Variants in BTG4 observed in about 807,000 individuals in gnomAD.
BTG4 encodes BTG anti-proliferation factor 4.
A neutral mutation model predicts 19.3 loss-of-function variants in BTG4; 10 were observed. The observed-to-expected ratio is 0.52, with a 90% confidence interval of 0.32 to 0.88. The LOEUF (loss-of-function observed/expected upper bound fraction) is 0.88, where lower values mean the gene tolerates loss of function less well. Among genes scored for constraint, BTG4 ranks in the 40% least tolerant of loss-of-function variants. The pLI, the probability that BTG4 is intolerant of heterozygous loss-of-function variation, is 0.04. For missense variants in BTG4, 238 were observed against 281.9 expected (o/e 0.84, Z 1.11); for synonymous variants, 91 against 95.7 (o/e 0.95, Z 0.29).
chr11:111,398,723 C>T, the BTG4 span, among the ~76,000 whole-genome samples: 1 of 152,104 alleles, frequency 6.6e-6, no homozygotes, highest in Non-Finnish European at 1.5e-5. Flanking sequence ...CACCTTCCCA[C>T]TTAAACTAGG....
At chr11:111,500,084 G>C (rs562137373) in intron 1 of BTG4, among the ~76,000 whole-genome samples, 56 of 152,080 alleles carry the variant, frequency 3.7e-4, no homozygotes, top group African/African-American at 1.3e-3. Flanking sequence ...GGAGGATGCA[G>C]TGAGCCAAGA....
At chr11:111,439,053 A>T in the BTG4 span, among the ~76,000 whole-genome samples, 18 of 152,016 alleles carry the variant, frequency 1.2e-4, no homozygotes, top group Non-Finnish European at 2.4e-4. Context: ...TGTCCCGCAC[A>T]CCCACCCGCT....
At chr11:111,498,520 A>G (rs964022992) in intron 2 of BTG4, 84 bp downstream of exon 2, 1 of 1,269,010 alleles carries the variant, frequency 7.9e-7, no homozygotes, top group Non-Finnish European at 1.1e-6. Context: ...TTATATGCAG[A>G]AAACAAGATC....
chr11:111,474,262 GTGAATAC>G (rs1433038152), intron 5 of BTG4, among the ~76,000 whole-genome samples: 1 of 152,116 alleles, frequency 6.6e-6, no homozygotes, highest in Non-Finnish European at 1.5e-5. Flanking sequence ...GTTGTCCAAT[GTGAATAC>G]TCCCATATAA....
chr11:111,473,334 A>G (rs1007578544), intron 5 of BTG4: 2 of 152,610 alleles, frequency 1.3e-5, no homozygotes, highest in Non-Finnish European at 2.9e-5. Context: ...TCTGCTCTTC[A>G]CCAGTATGGA....
the BTG4 span, among the ~76,000 whole-genome samples, chr11:111,429,793 A>C: frequency 6.6e-6 from 1 of 152,000 alleles, no homozygotes; most frequent in Non-Finnish European, 1.5e-5. Context: ...TAAAGGGGCA[A>C]CTCCCCCACT....
chr11:111,484,302 GA>G (rs1295605891), intron 5 of BTG4, among the ~76,000 whole-genome samples: 1 of 152,086 alleles, frequency 6.6e-6, no homozygotes, highest in African/African-American at 2.4e-5. Context: ...AAAGTACACA[GA>G]AAAATAAATA....
At chr11:111,509,182 G>T (rs914011708) in intron 1 of BTG4, among the ~76,000 whole-genome samples, 2 of 152,056 alleles carry the variant, frequency 1.3e-5, no homozygotes, top group Non-Finnish European at 2.9e-5. Context: ...AAAACCGCTG[G>T]CAGTTCATTT....
chr11:111,410,888 C>T, the BTG4 span, among the ~76,000 whole-genome samples: 1 of 152,082 alleles, frequency 6.6e-6, no homozygotes, highest in Non-Finnish European at 1.5e-5. Context: ...TCGTCCTTGG[C>T]TTCCCTCCTT....
At chr11:111,465,348 G>T (rs1262601016), downstream of BTG4, among the ~76,000 whole-genome samples, 2 of 152,060 alleles carry the variant, frequency 1.3e-5, no homozygotes, top group Admixed American at 1.3e-4. Flanking sequence ...ACCTGTTTTT[G>T]CATGGCCCAC....
the BTG4 span, chr11:111,449,394 G>T: frequency 1.9e-4 from 29 of 151,702 alleles, no homozygotes; most frequent in African/African-American, 6.5e-4. Flanking sequence ...CCAATGGGCT[G>T]TGTCCAGTGG....
the BTG4 span, among the ~76,000 whole-genome samples, chr11:111,439,679 A>G: frequency 3.3e-5 from 5 of 151,826 alleles, no homozygotes; most frequent in African/African-American, 7.3e-5. Context: ...ACTTTGCCTC[A>G]TCATCTGGAG....
the BTG4 span, among the ~76,000 whole-genome samples, chr11:111,390,470 G>C: frequency 6.6e-6 from 1 of 152,010 alleles, no homozygotes. Flanking sequence ...CAACATCTTG[G>C]GCACATTCAG....
chr11:111,508,331 C>A lies in BTG4; in HGVS notation c.-27+3850G>T, dbSNP rs1294493607. Among the ~76,000 whole-genome samples, 3 of 151,196 alleles carry A rather than the reference C, an allele frequency of 2.0e-5. No individual in the cohort carries two copies. The Admixed American group carries it at 2.0e-4, about 10-fold the overall frequency. ...CAACACATTGTATACATCTGGGGCT[C>A]CTTGAGCAGAATAATGAAATTGAAA... On this transcript the variant is annotated intron_variant, in intron 1 of 4. Coordinates refer to ENST00000692032, the MANE Select transcript of BTG4 (RefSeq NM_001367975.1).
chr11:111,448,172 C>T, the BTG4 span, among the ~76,000 whole-genome samples: 1 of 152,170 alleles, frequency 6.6e-6, no homozygotes, highest in Non-Finnish European at 1.5e-5. Context: ...CTCAGGACTG[C>T]GGGAATGAGA....
At chr11:111,485,501 C>G (rs1865006157) in intron 5 of BTG4, among the ~76,000 whole-genome samples, 1 of 152,098 alleles carries the variant, frequency 6.6e-6, no homozygotes. Flanking sequence ...ATGCTCCTAA[C>G]CGACCATGAG....
chr11:111,482,986 A>G (rs1188487545), intron 5 of BTG4, among the ~76,000 whole-genome samples: 1 of 152,184 alleles, frequency 6.6e-6, no homozygotes, highest in African/African-American at 2.4e-5. Flanking sequence ...AGGATAAAAC[A>G]CAACGTAGAA....
At chr11:111,434,443 T>G in the BTG4 span, among the ~76,000 whole-genome samples, 1 of 152,114 alleles carries the variant, frequency 6.6e-6, no homozygotes, top group Non-Finnish European at 1.5e-5. Context: ...AAATACTTAA[T>G]GTAAATGATG....
the BTG4 span, among the ~76,000 whole-genome samples, chr11:111,424,786 C>T: frequency 1.2e-3 from 189 of 152,218 alleles, no homozygotes; most frequent in African/African-American, 4.4e-3. Flanking sequence ...GGTGAAACCC[C>T]GTCTCTACTG....
Sources: gnomAD v4.1 joint callset for allele counts (sites outside exome capture counted in the v4.1 genomes callset) on GRCh38, gnomAD v4.1.1 for gene constraint, MANE v1.5 for transcripts, NCBI Gene and HGNC (gene_info 2026-07-23, HGNC 2026-07-21) for gene names.